CEP192: variants seen among roughly 807,000 people sequenced by gnomAD.
CEP192 encodes centrosomal protein 192.
In CEP192, 151 loss-of-function variants were observed where a neutral mutation model predicts 271.8. That is an observed-to-expected ratio of 0.56 (90% CI 0.49 to 0.64). The LOEUF (loss-of-function observed/expected upper bound fraction) is 0.64. Ranked by LOEUF, CEP192 falls within the 30% of genes least tolerant of loss-of-function variation. The probability of loss-of-function intolerance (pLI) is 0.00; values close to 1 mark genes in which losing one functional copy is unlikely to be tolerated. For synonymous variants in CEP192, 995 were observed against 1,076.5 expected, an observed-to-expected ratio of 0.92 and a Z score of 1.48; for missense variants, 2,910 against 3,020.5, an observed-to-expected ratio of 0.96 and a Z score of 0.86.
intron 1 of CEP192, among the ~76,000 whole-genome samples, chr18:12,995,325 A>C (rs1314467187): frequency 6.6e-6 from 1 of 151,914 alleles, no homozygotes; most frequent in Admixed American, 6.6e-5. Context: ...CGGCCTCCCA[A>C]AGTGCTGGGA....
At chr18:13,030,787 G>GGA (rs1444718429) in intron 11 of CEP192, among the ~76,000 whole-genome samples, 179 bp downstream of exon 11, 1 of 152,096 alleles carries the variant, frequency 6.6e-6, no homozygotes, top group African/African-American at 2.4e-5. Context: ...AATCATTGTA[G>GGA]AATGAGCCAA....
At position 13,092,385 on chromosome 18, in the gene CEP192, C is replaced by G; in HGVS notation, c.6112C>G (p.Leu2038Val). ...DELLVTEVYD[L>V]PQRPNDVQLF... ...ATTATTTTCTATTTCAGTATATGAT[C>G]TTCCCCAACGACCTAATGATGTTCA... is the stretch of plus-strand genomic sequence containing the variant. The change falls in exon 34 of 45, where the codon CTT (leucine) becomes GTT (valine). Residue 2038 changes from leucine (L) to valine (V), a missense_variant. Transcript: ENST00000506447. 6.3e-7 allele frequency: 1 copy of G among 1,589,776 alleles called. No individual in the cohort carries two copies. The highest frequency in any genetic ancestry group is 8.6e-7 in the Non-Finnish European group (1 of 1,165,556).
Position 13,072,829 on chromosome 18 carries a change from A to C in CEP192, c.5423A>C (p.Asp1808Ala), listed in dbSNP as rs1483251365. The change falls in exon 29 of 45, where the codon GAT (aspartate) becomes GCT (alanine). Residue 1808 changes from aspartate to alanine, a missense_variant. Transcript: ENST00000506447. Reference sequence around the variant, plus strand: ...TTACGACTGCTTATTAGAGGACAAGATCAGGACTGCTTTCAGGTTCGTAGA... The same window carrying C: ...TTACGACTGCTTATTAGAGGACAAGCTCAGGACTGCTTTCAGGTTCGTAGA... Reference protein sequence around the residue: ...QHLRLLIRGQDQDCFQLQNTF... With the variant: ...QHLRLLIRGQAQDCFQLQNTF... 3 of 1,611,422 alleles carry C rather than the reference A, an allele frequency of 1.9e-6. No homozygotes were observed. Among genetic ancestry groups the C allele is most frequent in the South Asian group, 1.1e-5 (1 of 91,038 alleles).
chr18:13,097,230 G>A (rs1249079489), intron 36 of CEP192, among the ~76,000 whole-genome samples: 1 of 152,124 alleles, frequency 6.6e-6, no homozygotes, highest in South Asian at 2.1e-4. Flanking sequence ...AGCCCCATGG[G>A]TTTAGCAGGG....
intron 30 of CEP192, among the ~76,000 whole-genome samples, chr18:13,084,272 C>A (rs1052850553): frequency 2.0e-5 from 3 of 152,182 alleles, no homozygotes; most frequent in African/African-American, 7.2e-5. Flanking sequence ...CTACGGTGGG[C>A]TCCACCCAGT....
At chr18:13,099,432 A>T in intron 36 of CEP192, 44 bp from the exon 37 acceptor site, 1 of 990,114 alleles carries the variant, frequency 1.0e-6, no homozygotes, top group Non-Finnish European at 1.5e-6. Flanking sequence ...TACTGCTGTT[A>T]AAATGCAGGC....
At chr18:13,113,091 G>T (rs1046837236) in intron 40 of CEP192, among the ~76,000 whole-genome samples, 6 of 152,202 alleles carry the variant, frequency 3.9e-5, no homozygotes, top group Non-Finnish European at 8.8e-5. Context: ...TAATCATAAT[G>T]CGAGCTGCCA....
intron 20 of CEP192, chr18:13,058,327 G>T: frequency 6.6e-6 from 1 of 152,434 alleles, no homozygotes; most frequent in Non-Finnish European, 1.5e-5. Flanking sequence ...GGAGAGGGGG[G>T]ATATATGGTC....
intron 36 of CEP192, among the ~76,000 whole-genome samples, chr18:13,096,810 A>G (rs535937188): frequency 6.6e-6 from 1 of 152,284 alleles, no homozygotes; most frequent in East Asian, 1.9e-4. Context: ...TTTTCTATGT[A>G]GAATATTCTA....
In CEP192 at chr18:13,076,504, C is replaced by T. The variant is rs191954875; in HGVS notation, c.5616+3319C>T. Among the ~76,000 whole-genome samples, 527 of 152,292 alleles carry T rather than the reference C, an allele frequency of 3.5e-3. 1 individual carries two copies. Among genetic ancestry groups the T allele is most frequent in the Middle Eastern group, 6.8e-3 (2 of 294 alleles). On this transcript the variant is annotated intron_variant, in intron 30 of 44. Transcript: ENST00000506447. ...GTGCTGGGATTACAGGCGTGAGCCACGCACCCGGCCAATCATTCTTTTTTC... is the reference window on the plus strand; with the variant it reads ...GTGCTGGGATTACAGGCGTGAGCCATGCACCCGGCCAATCATTCTTTTTTC...
chr18:13,032,096 G>A (rs569543536), intron 11 of CEP192, among the ~76,000 whole-genome samples: 24 of 152,328 alleles, frequency 1.6e-4, no homozygotes, highest in Admixed American at 1.0e-3. Flanking sequence ...GTCAGGACTC[G>A]TTGCTTGTGG....
In CEP192 at chr18:13,124,770, A is replaced by T. The variant is rs544809328; in HGVS notation, c.7614A>T (p.Ter2538TyrextTer7). 869 of 1,599,640 alleles carry T rather than the reference A, an allele frequency of 5.4e-4. 14 individuals are homozygous for T. The South Asian group carries it at 9.2e-3, about 17-fold the overall frequency. ...TTGGTGAAGCTCTTGGAAAAAATTA[A>T]CTAGAATACATTTTTGTGTAAAGTA... ...RLIGEALGKN[*>Y] is the part of the protein sequence containing the mutation. The change falls in exon 45 of 45, where the codon TAA (stop) becomes TAT (tyrosine). Residue 2538 changes from the stop codon to tyrosine (Y), a stop_lost. Coordinates refer to ENST00000506447, the MANE Select transcript of CEP192 (RefSeq NM_032142.4).
At chr18:13,061,420 C>T (rs2037402048) in intron 21 of CEP192, among the ~76,000 whole-genome samples, 1 of 152,256 alleles carries the variant, frequency 6.6e-6, no homozygotes, top group South Asian at 2.1e-4. Flanking sequence ...AGGGCAGCCA[C>T]TCTGGGAGAC....
In CEP192 at chr18:13,085,543, C is replaced by T. The variant is rs1276302122; in HGVS notation, c.5617-1474C>T. Among the ~76,000 whole-genome samples, 9 of 152,276 alleles carry T rather than the reference C, an allele frequency of 5.9e-5. No individual in the cohort carries two copies. The South Asian group carries it at 1.7e-3, about 28-fold the overall frequency. On this transcript the variant is annotated intron_variant, in intron 30 of 44. Coordinates refer to ENST00000506447, the MANE Select transcript of CEP192 (RefSeq NM_032142.4). Reference sequence around the variant, plus strand: ...ATGGTTTTATGTCTTACGTTTAAGTCTTTAATCCATCTTGAGTTAATTTTT... The same window carrying T: ...ATGGTTTTATGTCTTACGTTTAAGTTTTTAATCCATCTTGAGTTAATTTTT...
intron 30 of CEP192, 60 bp downstream of exon 30, chr18:13,073,245 G>A: frequency 7.3e-7 from 1 of 1,378,592 alleles, no homozygotes; most frequent in South Asian, 1.4e-5. Context: ...ATAACTATTG[G>A]TTTAATGTTG....
chr18:13,041,519 A>G lies in CEP192; in HGVS notation c.1936+563A>G, dbSNP rs72875827. On this transcript the variant is annotated intron_variant, in intron 14 of 44. Transcript: ENST00000506447. ...TGTATACAGAGTCAGCTCATTTTCCATTTCTCTAAAGATGCACCCACTTAT... is the reference window on the plus strand; with the variant it reads ...TGTATACAGAGTCAGCTCATTTTCCGTTTCTCTAAAGATGCACCCACTTAT... Among the ~76,000 whole-genome samples, 1,131 of 150,204 alleles carry G rather than the reference A, an allele frequency of 7.5e-3. 3 individuals carry two copies. Among genetic ancestry groups the G allele is most frequent in the Non-Finnish European group, 0.012 (797 of 67,548 alleles).
intron 40 of CEP192, among the ~76,000 whole-genome samples, chr18:13,105,954 C>A (rs758354984): frequency 6.6e-6 from 1 of 152,158 alleles, no homozygotes; most frequent in Non-Finnish European, 1.5e-5. Context: ...TCTACATATT[C>A]AGCACAGTCC....
intron 42 of CEP192, among the ~76,000 whole-genome samples, chr18:13,114,847 TTA>T (rs1365647539): frequency 6.6e-6 from 1 of 152,250 alleles, no homozygotes; most frequent in Non-Finnish European, 1.5e-5. Flanking sequence ...TTGTACCATT[TTA>T]TGTTCCCATA....
intron 18 of CEP192, among the ~76,000 whole-genome samples, chr18:13,054,003 A>T (rs897915031): frequency 6.6e-6 from 1 of 151,982 alleles, no homozygotes; most frequent in Admixed American, 6.5e-5. Flanking sequence ...ATTAAAACAA[A>T]TTTTTTTAGA....
Sources: allele counts gnomAD v4.1 joint callset (sites outside exome capture counted in the v4.1 genomes callset), GRCh38; gene constraint gnomAD v4.1.1; transcripts MANE v1.5; gene names NCBI Gene and HGNC (gene_info 2026-07-23, HGNC 2026-07-21).